The following MYT1L variants were observed in gnomAD, a reference collection of about 807,000 sequenced individuals.
MYT1L encodes myelin transcription factor 1-like protein.
MYT1L carries 12 observed loss-of-function variants against 126.7 expected under a neutral mutation model. The observed-to-expected ratio is 0.09, with a 90% CI of 0.06 to 0.15. The LOEUF is 0.15. Among genes scored for constraint, MYT1L ranks in the 10% least tolerant of loss-of-function variants. The pLI, the probability that MYT1L is intolerant of heterozygous loss-of-function variation, is 1.00. For missense variants in MYT1L, 979 were observed against 1,585.2 expected, an observed-to-expected ratio of 0.62 and a Z score of 6.49; for synonymous variants, 541 against 604.2, an observed-to-expected ratio of 0.90 and a Z score of 1.53.
intron 3 of MYT1L, among the ~76,000 whole-genome samples, chr2:2,083,572 C>G (rs1008079562): frequency 6.6e-6 from 1 of 152,242 alleles, no homozygotes; most frequent in African/African-American, 2.4e-5. Context: ...GCGATTCACT[C>G]TATAGGAAAC....
intron 14 of MYT1L, among the ~76,000 whole-genome samples, chr2:1,897,822 T>G (rs546606720): frequency 4.7e-4 from 72 of 152,264 alleles, no homozygotes; most frequent in Non-Finnish European, 8.2e-4. Context: ...TGTGTTAATG[T>G]TCTTCCAGGC....
At chr2:2,008,006 T>C (rs908558489) in intron 4 of MYT1L, among the ~76,000 whole-genome samples, 4 of 152,138 alleles carry the variant, frequency 2.6e-5, no homozygotes, top group Non-Finnish European at 4.4e-5. Flanking sequence ...GCAGAGAGCA[T>C]CTCTATAGTA....
intron 2 of MYT1L, among the ~76,000 whole-genome samples, chr2:2,236,790 CTTCTTCTTCTTCTTCTTCTTCTTCTTT>C (rs1158529846): frequency 3.7e-4 from 6 of 16,396 alleles, no homozygotes; most frequent in African/African-American, 2.7e-3. Flanking sequence ...TCTTCTTCTT[CTTCTTCTTCTTCTTCTTCTTCTTCTTT>C]TTTTTTTTTT....
chr2:2,061,024 GT>G (rs1183713575), intron 3 of MYT1L, among the ~76,000 whole-genome samples: 1 of 151,974 alleles, frequency 6.6e-6, no homozygotes. Context: ...ACTGTAAATT[GT>G]TTTTCCTTTT....
intron 9 of MYT1L, among the ~76,000 whole-genome samples, chr2:1,924,484 C>T (rs1167323789): frequency 1.3e-5 from 2 of 152,154 alleles, no homozygotes; most frequent in Non-Finnish European, 2.9e-5. Flanking sequence ...ATATTGACCT[C>T]TACAAAATAC....
intron 3 of MYT1L, among the ~76,000 whole-genome samples, chr2:2,150,590 T>C (rs907283876): frequency 5.3e-5 from 8 of 152,218 alleles, no homozygotes; most frequent in Non-Finnish European, 2.9e-5. Flanking sequence ...CAATTTTTTT[T>C]AGAAATTACA....
intron 2 of MYT1L, among the ~76,000 whole-genome samples, chr2:2,215,752 C>T (rs1207790151): frequency 6.6e-6 from 1 of 152,192 alleles, no homozygotes; most frequent in Non-Finnish European, 1.5e-5. Context: ...CCACAGTGAA[C>T]ATTTACCAAG....
chr2:1,945,422 C>T (rs1302148757), intron 8 of MYT1L, among the ~76,000 whole-genome samples: 1 of 152,010 alleles, frequency 6.6e-6, no homozygotes, highest in Non-Finnish European at 1.5e-5. Context: ...TGAGAGAGGC[C>T]AGGAGGACCA....
chr2:2,291,977 G>A (rs1254362131), intron 1 of MYT1L, among the ~76,000 whole-genome samples: 1 of 152,226 alleles, frequency 6.6e-6, no homozygotes, highest in Non-Finnish European at 1.5e-5. Context: ...AGGGCGGGGC[G>A]GGTGGCTGTG....
At chr2:2,284,094 T>C (rs968364321) in intron 2 of MYT1L, among the ~76,000 whole-genome samples, 3 of 152,186 alleles carry the variant, frequency 2.0e-5, no homozygotes, top group African/African-American at 4.8e-5. Flanking sequence ...TAACTATATG[T>C]TTTTGGATCA....
chr2:2,149,085 C>T (rs1475152441), intron 3 of MYT1L, among the ~76,000 whole-genome samples: 2 of 151,906 alleles, frequency 1.3e-5, no homozygotes, highest in Non-Finnish European at 1.5e-5. Flanking sequence ...GTTTATTCTC[C>T]CTTCTCTTTC....
At chr2:2,013,178 CAAGG>C (rs2064010369) in intron 4 of MYT1L, among the ~76,000 whole-genome samples, 1 of 152,132 alleles carries the variant, frequency 6.6e-6, no homozygotes, top group Non-Finnish European at 1.5e-5. Flanking sequence ...TGCGATGTCT[CAAGG>C]AACACTCAGG....
chr2:2,152,339 G>A (rs1221031132), intron 3 of MYT1L, among the ~76,000 whole-genome samples: 1 of 152,206 alleles, frequency 6.6e-6, no homozygotes, highest in Non-Finnish European at 1.5e-5. Flanking sequence ...AGAATGGAGT[G>A]CAATTTAAAA....
At chr2:2,046,628 T>C (rs1473704759) in intron 4 of MYT1L, among the ~76,000 whole-genome samples, 1 of 152,224 alleles carries the variant, frequency 6.6e-6, no homozygotes, top group Non-Finnish European at 1.5e-5. Flanking sequence ...TAGAGACCAG[T>C]AGCTCGTCCC....
intron 2 of MYT1L, among the ~76,000 whole-genome samples, chr2:2,186,521 C>G (rs554095124): frequency 1.3e-5 from 2 of 152,268 alleles, no homozygotes; most frequent in East Asian, 1.9e-4. Context: ...TTAGCTTTGC[C>G]CCCATCACTA....
chr2:2,148,171 T>C (rs2085181569), intron 3 of MYT1L, among the ~76,000 whole-genome samples: 1 of 152,192 alleles, frequency 6.6e-6, no homozygotes, highest in African/African-American at 2.4e-5. Flanking sequence ...TATCTAGCAA[T>C]GATCTCTTTA....
intron 1 of MYT1L, among the ~76,000 whole-genome samples, chr2:2,285,007 C>T (rs545545931): frequency 1.3e-5 from 2 of 152,280 alleles, no homozygotes; most frequent in South Asian, 2.1e-4. Context: ...TGAGCCACTG[C>T]GCCTGGCCAA....
intron 21 of MYT1L, among the ~76,000 whole-genome samples, chr2:1,836,940 A>G (rs9752884): frequency 0.47 from 72,181 of 152,046 alleles, 18,990 homozygotes; most frequent in African/African-American, 0.71. Context: ...AGAAACAGGG[A>G]AGGGTGGAAA....
chr2:1,949,312 A>G (rs1256782755), intron 8 of MYT1L, among the ~76,000 whole-genome samples: 1 of 152,184 alleles, frequency 6.6e-6, no homozygotes, highest in African/African-American at 2.4e-5. Context: ...TGGCCTTTCC[A>G]TGTTTTCACC....
Sources: allele counts gnomAD v4.1 joint callset (sites outside exome capture counted in the v4.1 genomes callset), GRCh38; gene constraint gnomAD v4.1.1; transcripts MANE v1.5; gene names NCBI Gene and HGNC (gene_info 2026-07-23, HGNC 2026-07-21).